Variants in SNTG2 observed in about 807,000 individuals in gnomAD.
SNTG2 encodes gamma-2-syntrophin.
Under a neutral mutation model 70.9 loss-of-function variants are expected in SNTG2, and 74 were observed. That is an observed-to-expected ratio of 1.04 (90% confidence interval 0.86 to 1.27). SNTG2 has a LOEUF of 1.27. Ranked by LOEUF, SNTG2 falls within the 50% of genes most tolerant of loss-of-function variation. SNTG2 has a pLI of 0.00. For missense variants in SNTG2, 717 were observed against 690.7 expected (o/e 1.04, Z -0.43); for synonymous variants, 278 against 273.8 (o/e 1.02, Z -0.15).
intron 6 of SNTG2, among the ~76,000 whole-genome samples, chr2:1,151,707 G>T (rs1046087791): frequency 6.6e-6 from 1 of 152,230 alleles, no homozygotes. Flanking sequence ...CCCTTTGCCC[G>T]TGCGTGCCGT....
At chr2:1,115,567 C>A (rs1030753004) in intron 4 of SNTG2, among the ~76,000 whole-genome samples, 1 of 149,518 alleles carries the variant, frequency 6.7e-6, no homozygotes, top group East Asian at 2.0e-4. Flanking sequence ...TGAGAAGAAT[C>A]TTGTGTACTA....
intron 8 of SNTG2, among the ~76,000 whole-genome samples, chr2:1,186,407 A>G (rs746657574): frequency 6.6e-6 from 1 of 152,244 alleles, no homozygotes; most frequent in Non-Finnish European, 1.5e-5. Context: ...CTTTATAGCA[A>G]TACCTTAGCA....
At position 1,097,628 on chromosome 2, in the gene SNTG2, T is replaced by G. The variant is rs1417752906; in HGVS notation, c.211-568T>G. 1.3e-5 allele frequency among the ~76,000 whole-genome samples: 2 copies of G among 152,296 alleles called. No homozygotes were observed. The highest frequency in any genetic ancestry group is 3.9e-4 in the East Asian group (2 of 5,156). On this transcript the variant is annotated intron_variant, in intron 2 of 16. Coordinates refer to ENST00000308624, the MANE Select transcript of SNTG2 (RefSeq NM_018968.4). This position sits in a 1 kb window ranked among gnomAD's most constrained non-coding sequence, Gnocchi z 4.1. ...GATTTTTTACCATTTCACTAGCCAGTTAAAGGCCTATTGTGCTTTTAGCTT... is the reference window on the plus strand; with the variant it reads ...GATTTTTTACCATTTCACTAGCCAGGTAAAGGCCTATTGTGCTTTTAGCTT...
At chr2:1,283,176 T>G (rs1378508114) in intron 14 of SNTG2, among the ~76,000 whole-genome samples, 1 of 152,064 alleles carries the variant, frequency 6.6e-6, no homozygotes, top group African/African-American at 2.4e-5. Context: ...TGTGGCCTCC[T>G]GCTACTGCTG....
intron 12 of SNTG2, among the ~76,000 whole-genome samples, chr2:1,256,803 C>G (rs984699807): frequency 1.3e-5 from 2 of 152,044 alleles, no homozygotes; most frequent in African/African-American, 2.4e-5. Context: ...TGCGTGTCAG[C>G]AGGGGGAAGC....
At chr2:1,224,356 C>T (rs1004440766) in intron 9 of SNTG2, among the ~76,000 whole-genome samples, 1 of 152,190 alleles carries the variant, frequency 6.6e-6, no homozygotes, top group Non-Finnish European at 1.5e-5. Flanking sequence ...GATTTAATTT[C>T]ATTTTTTCTT....
chr2:1,357,636 A>C (rs535942167), intron 16 of SNTG2, among the ~76,000 whole-genome samples: 1 of 152,114 alleles, frequency 6.6e-6, no homozygotes, highest in African/African-American at 2.4e-5. Flanking sequence ...CAGTGGAGCC[A>C]TCTCTTCCTC....
At chr2:1,302,796 A>G (rs1394371051) in intron 14 of SNTG2, among the ~76,000 whole-genome samples, 2 of 152,208 alleles carry the variant, frequency 1.3e-5, no homozygotes. Flanking sequence ...ATGAGTAAAA[A>G]GAGATAACTC....
chr2:1,331,904 C>T (rs372880255), intron 16 of SNTG2, among the ~76,000 whole-genome samples: 3 of 152,154 alleles, frequency 2.0e-5, no homozygotes, highest in Non-Finnish European at 4.4e-5. Flanking sequence ...CATGCCCTGG[C>T]GCGGTTTCCA....
intron 1 of SNTG2, among the ~76,000 whole-genome samples, chr2:1,046,869 G>A (rs575661097): frequency 6.6e-6 from 1 of 151,866 alleles, no homozygotes; most frequent in Non-Finnish European, 1.5e-5. Flanking sequence ...ACCTCTCAGG[G>A]GTCCTCTGAA....
At chr2:1,348,892 T>C (rs374635458) in intron 16 of SNTG2, among the ~76,000 whole-genome samples, 1 of 152,374 alleles carries the variant, frequency 6.6e-6, no homozygotes, top group East Asian at 1.9e-4. Flanking sequence ...TTCTAATGAA[T>C]TATTTTCTTT....
At chr2:988,406 A>G (rs1018503999) in intron 1 of SNTG2, among the ~76,000 whole-genome samples, 1 of 152,214 alleles carries the variant, frequency 6.6e-6, no homozygotes, top group African/African-American at 2.4e-5. Flanking sequence ...CAGATGTCAA[A>G]TAAGTAGAAT....
At chr2:1,280,827 T>C (rs1467261967) in intron 14 of SNTG2, among the ~76,000 whole-genome samples, 2 of 152,250 alleles carry the variant, frequency 1.3e-5, no homozygotes, top group Non-Finnish European at 2.9e-5. Flanking sequence ...TTGCTTTTAA[T>C]AAGTGTATTG....
At chr2:1,033,477 C>T (rs915606663) in intron 1 of SNTG2, among the ~76,000 whole-genome samples, 3 of 152,138 alleles carry the variant, frequency 2.0e-5, no homozygotes, top group East Asian at 1.9e-4. Context: ...GCTGTGAGGC[C>T]GCTGGTGTTG....
intron 9 of SNTG2, among the ~76,000 whole-genome samples, chr2:1,224,622 G>A (rs144722122): frequency 3.1e-3 from 477 of 152,304 alleles, no homozygotes; most frequent in Middle Eastern, 6.8e-3. Flanking sequence ...CAGAACCCTC[G>A]GCGGCATCTG....
intron 7 of SNTG2, among the ~76,000 whole-genome samples, chr2:1,167,328 G>A (rs1427670496): frequency 5.0e-4 from 63 of 127,180 alleles, no homozygotes; most frequent in African/African-American, 5.9e-4. Flanking sequence ...GAAGCCTATA[G>A]GCCGCCCACA....
intron 1 of SNTG2, among the ~76,000 whole-genome samples, chr2:1,014,673 G>A (rs866690619): frequency 7.2e-5 from 10 of 138,788 alleles, no homozygotes; most frequent in African/African-American, 1.3e-4. Context: ...GCAGAGAGAA[G>A]GGTGGTCTGT....
In SNTG2 at chr2:1,222,079, G is replaced by C. The variant is rs1206468448; in HGVS notation, c.719+12849G>C. Among the ~76,000 whole-genome samples, 3 of 14,612 alleles carry C rather than the reference G, an allele frequency of 2.1e-4. 1 individual carries two copies. Among genetic ancestry groups the C allele is most frequent in the East Asian group, 2.5e-3 (1 of 400 alleles). 9.6% of individuals were successfully genotyped at this position (14,612 alleles called of 152,430 possible). On this transcript the variant is annotated intron_variant, in intron 9 of 16. Transcript: ENST00000308624. ...TCTGTCTCTGTTTCTCTCTGTCTCT[G>C]TCTCTGTCTCTCTCTGTCTCTCTCT... is the stretch of plus-strand genomic sequence containing the variant.
chr2:1,196,574 A>G (rs1672923363), intron 8 of SNTG2, among the ~76,000 whole-genome samples: 1 of 152,188 alleles, frequency 6.6e-6, no homozygotes, highest in Non-Finnish European at 1.5e-5. Context: ...ATCGTATAGT[A>G]TGGTCAAACT....
Sources: allele counts gnomAD v4.1 joint callset (sites outside exome capture counted in the v4.1 genomes callset), GRCh38; gene constraint gnomAD v4.1.1; non-coding constraint Gnocchi (gnomAD v3.1); transcripts MANE v1.5; gene names NCBI Gene and HGNC (gene_info 2026-07-23, HGNC 2026-07-21).